The following CPAMD8 variants were observed in gnomAD, a reference collection of about 807,000 sequenced individuals.
CPAMD8 encodes the protein C3 and PZP-like alpha-2-macroglobulin domain-containing protein 8.
A neutral mutation model predicts 224.7 loss-of-function variants in CPAMD8; 146 were observed. The ratio of observed to expected loss-of-function variants is 0.65; its 90% CI spans 0.57 to 0.75. The LOEUF (loss-of-function observed/expected upper bound fraction) is 0.75. CPAMD8 is among the 30% of genes least tolerant of loss of function. CPAMD8 has a pLI of 0.00. For missense variants in CPAMD8, 2,301 were observed against 2,537.5 expected (o/e 0.91, Z 2.00); for synonymous variants, 966 against 1,044.6 (o/e 0.92, Z 1.45).
At chr19:16,981,562 G>A (rs745845672) in intron 13 of CPAMD8, among the ~76,000 whole-genome samples, 2 of 151,984 alleles carry the variant, frequency 1.3e-5, no homozygotes, top group Non-Finnish European at 2.9e-5. Context: ...AAACTCAGGG[G>A]AACTGATGCT....
Position 16,953,339 on chromosome 19 carries a change from C to CA in CPAMD8, c.2277-1140dup, listed in dbSNP as rs80093904. On this transcript the variant is annotated intron_variant, in intron 19 of 41. Coordinates refer to ENST00000443236, the MANE Select transcript of CPAMD8 (RefSeq NM_015692.5). ...ATGGATATGAAAACAAAGGTACAAG[C>CA]AAAAAAAAAAAAAAAAGAGTAGACA... Among the ~76,000 whole-genome samples the CA allele has an allele frequency of 9.8e-3, 921 of 94,356 alleles. 10 individuals are homozygous for CA. Among genetic ancestry groups the CA allele is most frequent in the African/African-American group, 0.028 (675 of 23,824 alleles). 61.9% of individuals were successfully genotyped at this position (94,356 alleles called of 152,430 possible).
chr19:16,899,242 A>G lies in CPAMD8; in HGVS notation c.4848+233T>C, dbSNP rs1378013499. On this transcript the variant is annotated intron_variant, in intron 37 of 41. Coordinates refer to ENST00000443236, the MANE Select transcript of CPAMD8 (RefSeq NM_015692.5). This position sits in a 1 kb window ranked among gnomAD's most constrained non-coding sequence, Gnocchi z 5.4. ...GGGCACTTTTTTATATTTTTTGTAA[A>G]GATGGGGTCTCGCCATGTTGCCCAG... Among the ~76,000 whole-genome samples, 2 of 152,126 alleles carry G rather than the reference A, an allele frequency of 1.3e-5. No homozygotes were observed. The highest frequency in any genetic ancestry group is 2.9e-5 in the Non-Finnish European group (2 of 68,002).
intron 23 of CPAMD8, among the ~76,000 whole-genome samples, chr19:16,929,680 ACTCT>A (rs1258721110): frequency 6.6e-6 from 1 of 152,054 alleles, no homozygotes; most frequent in Non-Finnish European, 1.5e-5. Flanking sequence ...AGCCTGGGTG[ACTCT>A]CTCTCTAAAA....
intron 27 of CPAMD8, among the ~76,000 whole-genome samples, chr19:16,920,191 A>AT (rs1411607872): frequency 6.6e-6 from 1 of 152,082 alleles, no homozygotes; most frequent in East Asian, 1.9e-4. Flanking sequence ...GTGAAATTTG[A>AT]TTTTTCAGCC....
chr19:17,024,626 C>T lies in CPAMD8; in HGVS notation c.92+1925G>A, dbSNP rs1007211580. Among the ~76,000 whole-genome samples, 5 of 152,194 alleles carry T rather than the reference C, an allele frequency of 3.3e-5. No individual in the cohort carries two copies. The East Asian group carries it at 7.7e-4, about 23-fold the overall frequency. ...ACGGGTTCAAGTCTTCATCCAACTG[C>T]CCAGAGAAACTGACATCACCAAATT... On this transcript the variant is annotated intron_variant, in intron 1 of 41. Transcript: ENST00000443236.
At position 17,015,234 on chromosome 19, in the gene CPAMD8, T is replaced by TC. The variant is rs550541389; in HGVS notation, c.268-3478dup. On this transcript the variant is annotated intron_variant, in intron 3 of 41. Transcript: ENST00000443236. ...TCCAGCCTAGGTGACAGAGTGAGAC[T>TC]CCATCTCAAAAAATAAAAAATAAAA... Among the ~76,000 whole-genome samples, 836 of 152,128 alleles carry TC rather than the reference T, an allele frequency of 5.5e-3. 8 individuals carry two copies. The Middle Eastern group carries it at 0.061, about 11-fold the overall frequency.
rs1354690314 is a variant in CPAMD8, at chr19:16,897,752, G to A, written c.5004C>T (p.Ala1668=). ...FYNVSTHSPL[A]RELCAGPACN... ...ACGCGGGTCCGGCGCACAGTTCCCG[G>A]GCGAGTGGGCTGTGGGTGCTGACGT... The change falls in exon 39 of 42, where the codon GCC becomes GCT. Residue 1668 remains alanine, a synonymous_variant. Transcript: ENST00000443236. 2 of 1,581,834 alleles carry A rather than the reference G, an allele frequency of 1.3e-6. No homozygotes were observed. The highest frequency in any genetic ancestry group is 1.9e-5 in the Admixed American group (1 of 53,872).
At chr19:17,000,367 G>T in intron 10 of CPAMD8, 47 bp downstream of exon 10, 1 of 763,630 alleles carries the variant, frequency 1.3e-6, no homozygotes, top group Non-Finnish European at 2.4e-6. Flanking sequence ...TGGTGGAGGT[G>T]AACCTGGGGG....
intron 2 of CPAMD8, among the ~76,000 whole-genome samples, chr19:17,020,927 C>A (rs188791761): frequency 6.6e-6 from 1 of 152,206 alleles, no homozygotes; most frequent in South Asian, 2.1e-4. Flanking sequence ...ACACAACGCA[C>A]GTGGCTCCCA....
Position 16,939,199 on chromosome 19 carries a change from CTATG to C in CPAMD8, c.2794-757_2794-754del, listed in dbSNP as rs61515314. On this transcript the variant is annotated intron_variant, in intron 22 of 41. Coordinates refer to ENST00000443236, the MANE Select transcript of CPAMD8 (RefSeq NM_015692.5). The stretch of plus-strand genomic sequence containing the variant: ...TTTATTTATTTATTTATCTATCTAT[CTATG>C]TATCTATCTATCTATCTATGGACAG... 4.0e-3 allele frequency among the ~76,000 whole-genome samples: 325 copies of C among 81,212 alleles called. 3 individuals are homozygous for C. Among genetic ancestry groups the C allele is most frequent in the Middle Eastern group, 0.036 (6 of 168 alleles). The allele number at this position is 81,212 out of a possible 152,430, so 53.3% of individuals were successfully genotyped here. A position where few individuals can be genotyped will look rare whatever the true frequency, so the allele number is the denominator to read the frequency against.
intron 17 of CPAMD8, 40 bp from the exon 18 acceptor site, chr19:16,971,073 G>A: frequency 6.5e-7 from 1 of 1,546,682 alleles, no homozygotes; most frequent in Non-Finnish European, 8.7e-7. Flanking sequence ...GTGGGGAAGT[G>A]GATGCTGACA....
intron 14 of CPAMD8, 87 bp downstream of exon 14, chr19:16,980,410 G>C (rs1296869103): frequency 9.1e-6 from 12 of 1,318,032 alleles, no homozygotes. Flanking sequence ...GCTGGGTCTT[G>C]CCTTGTCCCT....
intron 3 of CPAMD8, among the ~76,000 whole-genome samples, chr19:17,012,192 T>C (rs551203593): frequency 6.6e-6 from 1 of 152,108 alleles, no homozygotes; most frequent in Non-Finnish European, 1.5e-5. Flanking sequence ...CTAATTTTTA[T>C]GTTTTTAGTA....
intron 8 of CPAMD8, among the ~76,000 whole-genome samples, chr19:17,002,910 C>CTTTTTT (rs34659000): frequency 3.7e-5 from 5 of 134,496 alleles, no homozygotes; most frequent in African/African-American, 1.4e-4. Context: ...CTTTTCTTTT[C>CTTTTTT]TTTTTTTTTT....
At chr19:17,024,084 C>T (rs1220441331) in intron 1 of CPAMD8, among the ~76,000 whole-genome samples, 3 of 152,020 alleles carry the variant, frequency 2.0e-5, no homozygotes, top group Admixed American at 6.6e-5. Context: ...AGTAAGATAC[C>T]AAAAATAAGA....
chr19:16,892,960 G>A lies in CPAMD8; in HGVS notation c.*148C>T, dbSNP rs1186475217. 1 of 762,872 alleles carries A rather than the reference G, an allele frequency of 1.3e-6. No homozygotes were observed. The highest frequency in any genetic ancestry group is 2.4e-6 in the Non-Finnish European group (1 of 414,448). 47.3% of individuals were successfully genotyped at this position (762,872 alleles called of 1,614,324 possible). ...TGTGCACCCCAGAACATGTGAGTAAGATCAGTAACGTGTATTCTTGTCAAT... is the reference window on the plus strand; with the variant it reads ...TGTGCACCCCAGAACATGTGAGTAAAATCAGTAACGTGTATTCTTGTCAAT... On this transcript the variant is annotated 3_prime_UTR_variant, in exon 42 of 42. Coordinates refer to ENST00000443236, the MANE Select transcript of CPAMD8 (RefSeq NM_015692.5).
Position 16,901,182 on chromosome 19 carries a change from C to T in CPAMD8, c.4773+28G>A, listed in dbSNP as rs377547883. 2.2e-4 allele frequency: 339 copies of T among 1,550,656 alleles called. No homozygotes were observed. In the African/African-American group the frequency reaches 4.2e-3, roughly 19 times the overall value. ...CTACCTATTGTTCAGAGATCCCTGC[C>T]CACCGCTGCTCACCGGCGCTGCCTC... On this transcript the variant is annotated intron_variant, in intron 36 of 41. Coordinates refer to ENST00000443236, the MANE Select transcript of CPAMD8 (RefSeq NM_015692.5).
chr19:16,994,620 G>C (rs556928275), intron 11 of CPAMD8, among the ~76,000 whole-genome samples: 1 of 145,420 alleles, frequency 6.9e-6, no homozygotes, highest in Non-Finnish European at 1.5e-5. Context: ...TCCTGGGCTC[G>C]CAATCCTCCT....
Position 16,914,776 on chromosome 19 carries a change from G to A in CPAMD8, c.3667C>T (p.Arg1223Cys), listed in dbSNP as rs779294937. 1.5e-5 allele frequency: 24 copies of A among 1,613,710 alleles called. No individual in the cohort carries two copies. The highest frequency in any genetic ancestry group is 5.3e-5 in the African/African-American group (4 of 74,948). Reference protein sequence around the residue: ...AFVLKSFAQARSFIFVDPREL... With the variant: ...AFVLKSFAQACSFIFVDPREL... ...CGGGGGTCCACGAAGATAAAGCTGCGAGCCTGTGCGAAGGACTTCAGGACA... is the reference window on the plus strand; with the variant it reads ...CGGGGGTCCACGAAGATAAAGCTGCAAGCCTGTGCGAAGGACTTCAGGACA... The change falls in exon 28 of 42, where the codon CGC (arginine) becomes TGC (cysteine). Residue 1223 changes from arginine (R) to cysteine (C), a missense_variant. By Grantham distance (180) the Arg-to-Cys change is radical (BLOSUM62 -3). Around this residue, in one of 4 missense-constraint regions of CPAMD8, gnomAD observed 1,709 missense variants for 1,753.2 expected, o/e 0.97. Coordinates refer to ENST00000443236, the MANE Select transcript of CPAMD8 (RefSeq NM_015692.5).
Sources: gnomAD v4.1 joint callset for allele counts (sites outside exome capture counted in the v4.1 genomes callset) on GRCh38, gnomAD v4.1.1 for gene constraint, gnomAD v4.1.1 regional missense constraint, Gnocchi (gnomAD v3.1) non-coding constraint, MANE v1.5 for transcripts, NCBI Gene and HGNC (gene_info 2026-07-23, HGNC 2026-07-21) for gene names.